FAM20A: variants seen among roughly 807,000 people sequenced by gnomAD.
FAM20A encodes the protein FAM20A golgi associated secretory pathway pseudokinase.
Under a neutral mutation model 52.0 loss-of-function variants are expected in FAM20A, and 42 were observed. The ratio of observed to expected loss-of-function variants is 0.81; its 90% CI spans 0.63 to 1.04. The LOEUF is 1.04. Among genes scored for constraint, FAM20A ranks in the 50% least tolerant of loss-of-function variants. The pLI is 0.00. For synonymous variants in FAM20A, 304 were observed against 298.9 expected, an observed-to-expected ratio of 1.02 and a Z score of -0.18; for missense variants, 742 against 712.7, an observed-to-expected ratio of 1.04 and a Z score of -0.47.
At chr17:68,570,267 G>C (rs2087502621) in intron 1 of FAM20A, among the ~76,000 whole-genome samples, 1 of 152,076 alleles carries the variant, frequency 6.6e-6, no homozygotes, top group African/African-American at 2.4e-5. Flanking sequence ...GTAGAGACAG[G>C]GTTTCACCAT....
chr17:68,580,951 G>A (rs1232203113), intron 1 of FAM20A, among the ~76,000 whole-genome samples: 1 of 152,152 alleles, frequency 6.6e-6, no homozygotes, highest in Non-Finnish European at 1.5e-5. Context: ...GATGACACCC[G>A]AGTATGACAT....
chr17:68,596,650 G>C (rs2088461267), intron 1 of FAM20A, among the ~76,000 whole-genome samples: 1 of 152,178 alleles, frequency 6.6e-6, no homozygotes, highest in African/African-American at 2.4e-5. Flanking sequence ...GCACAATTCT[G>C]GCTTGTTAGT....
At chr17:68,560,341 C>A (rs2087175706) in intron 1 of FAM20A, among the ~76,000 whole-genome samples, 1 of 103,942 alleles carries the variant, frequency 9.6e-6, no homozygotes, top group Non-Finnish European at 1.8e-5. Context: ...GAAACTCCAT[C>A]TCAAAAAAAA....
intron 1 of FAM20A, among the ~76,000 whole-genome samples, chr17:68,561,756 A>T (rs566880564): frequency 6.6e-6 from 1 of 152,230 alleles, no homozygotes; most frequent in South Asian, 2.1e-4. Context: ...ATTATTGATG[A>T]GCGTGTAGTT....
chr17:68,565,107 A>G (rs538300511), intron 1 of FAM20A, among the ~76,000 whole-genome samples: 61 of 152,084 alleles, frequency 4.0e-4, no homozygotes, highest in African/African-American at 1.5e-3. Flanking sequence ...TGGCTGCTAT[A>G]TTCAACAGTT....
chr17:68,597,105 G>A (rs2088473676), intron 1 of FAM20A, among the ~76,000 whole-genome samples: 1 of 152,094 alleles, frequency 6.6e-6, no homozygotes, highest in Admixed American at 6.5e-5. Flanking sequence ...ACGTGTGGGT[G>A]AGTGGGGAGG....
Position 68,600,934 on chromosome 17 carries a change from G to A in FAM20A, c.-268C>T. On this transcript the variant is annotated 5_prime_UTR_variant, in exon 1 of 11. Coordinates refer to ENST00000592554, the MANE Select transcript of FAM20A (RefSeq NM_017565.4). This position sits in a 1 kb window ranked among gnomAD's most constrained non-coding sequence, Gnocchi z 6.2. ...GAGCCGAGGGAATGGGGTTCCCGGG[G>A]TGCCCGCTTCTTGCGCCTTTTCTCC... The A allele has an allele frequency of 2.4e-6, 1 of 412,386 alleles. No homozygotes were observed. Among genetic ancestry groups the A allele is most frequent in the South Asian group, 7.0e-5 (1 of 14,256 alleles). The allele number at this position is 412,386 out of a possible 1,614,324, so 25.5% of individuals were successfully genotyped here.
intron 2 of FAM20A, 84 bp from the exon 3 acceptor site, chr17:68,554,911 C>T (rs1409758282): frequency 7.3e-7 from 1 of 1,378,024 alleles, no homozygotes; most frequent in Non-Finnish European, 1.0e-6. Flanking sequence ...GACTCTGGTT[C>T]AGATCACCAG....
intron 1 of FAM20A, among the ~76,000 whole-genome samples, chr17:68,580,014 T>C (rs1417082272): frequency 7.0e-6 from 1 of 143,046 alleles, no homozygotes; most frequent in African/African-American, 2.5e-5. Context: ...TAGTTTGCAT[T>C]TGCATAAATC....
rs563163480 is a variant in FAM20A, at chr17:68,548,984, A to G, written c.719+2889T>C. 1.8e-4 allele frequency among the ~76,000 whole-genome samples: 27 copies of G among 152,046 alleles called. 1 individual carries two copies. In the South Asian group the frequency reaches 5.4e-3, roughly 30 times the overall value. ...CCTGACCTCGTGATCTGCCCGCCTC[A>G]GCCTCCCAAAGTGCTGGGATTACAG... On this transcript the variant is annotated intron_variant, in intron 4 of 10. Coordinates refer to ENST00000592554, the MANE Select transcript of FAM20A (RefSeq NM_017565.4).
rs536765541 is a variant in FAM20A at position 68,591,340 on chromosome 17, C to G, written c.404+8923G>C. Reference sequence around the variant, plus strand: ...GGTCTCAATCTCTTGACCTCGTGATCCGCCCGCCTCGGCCTCCCAAAGTGT... The same window carrying G: ...GGTCTCAATCTCTTGACCTCGTGATGCGCCCGCCTCGGCCTCCCAAAGTGT... On this transcript the variant is annotated intron_variant, in intron 1 of 10. Transcript: ENST00000592554. 2.6e-5 allele frequency among the ~76,000 whole-genome samples: 4 copies of G among 152,294 alleles called. No individual in the cohort carries two copies. The East Asian group carries it at 7.7e-4, about 29-fold the overall frequency.
intron 1 of FAM20A, among the ~76,000 whole-genome samples, chr17:68,565,182 C>G (rs1466912460): frequency 6.6e-6 from 1 of 152,096 alleles, no homozygotes; most frequent in Non-Finnish European, 1.5e-5. Flanking sequence ...AATATAGACA[C>G]AGCAATCCTC....
In FAM20A at chr17:68,543,705, C is replaced by T; in HGVS notation, c.736G>A (p.Glu246Lys). Reference protein sequence around the residue: ...FKPMRQQRDEETPVDFFYFID... With the variant: ...FKPMRQQRDEKTPVDFFYFID... ...AAGTAGAAGAAGTCCACTGGTGTCT[C>T]CTCATCTCGCTGCTGTCTGGAAGGA... Residue 246 changes from glutamate (E) to lysine (K), a missense_variant, in exon 5 of 11, where the codon GAG (glutamate) becomes AAG (lysine). Physicochemically the swap from Glu to Lys is moderately conservative, Grantham distance 56. Coordinates refer to ENST00000592554, the MANE Select transcript of FAM20A (RefSeq NM_017565.4). The T allele has an allele frequency of 6.2e-7, 1 of 1,614,104 alleles. No individual in the cohort carries two copies. The highest frequency in any genetic ancestry group is 8.5e-7 in the Non-Finnish European group (1 of 1,179,944).
Position 68,569,400 on chromosome 17 carries a change from A to G in FAM20A, c.405-13657T>C, listed in dbSNP as rs550791077. Among the ~76,000 whole-genome samples, 5 of 152,234 alleles carry G rather than the reference A, an allele frequency of 3.3e-5. No homozygotes were observed. In the South Asian group the frequency reaches 1.0e-3, roughly 32 times the overall value. On this transcript the variant is annotated intron_variant, in intron 1 of 10. Transcript: ENST00000592554. Reference sequence around the variant, plus strand: ...TCCACTGGGACTCTCTTTGATCAGCACTCCTAACTGTAACCAGAATGATTG... The same window carrying G: ...TCCACTGGGACTCTCTTTGATCAGCGCTCCTAACTGTAACCAGAATGATTG...
chr17:68,585,370 C>T (rs1175481879), intron 1 of FAM20A, among the ~76,000 whole-genome samples: 1 of 151,896 alleles, frequency 6.6e-6, no homozygotes, highest in African/African-American at 2.4e-5. Context: ...ACTTCCGAGT[C>T]TTCATTGTGT....
At chr17:68,539,507 A>G (rs1600516462) in intron 9 of FAM20A, 111 bp from the exon 10 acceptor site, 1 of 973,060 alleles carries the variant, frequency 1.0e-6, no homozygotes, top group Non-Finnish European at 1.6e-6. Context: ...GTAAAATGCC[A>G]GGGATCATGG....
Position 68,536,964 on chromosome 17 carries a change from A to G in FAM20A, c.*513T>C. On this transcript the variant is annotated 3_prime_UTR_variant, in exon 11 of 11. Transcript: ENST00000592554. ...TGGGTCCAGTGACTAGAATATGAGTAGAAAGTGTGAGGTCTAATTTGAACC... is the reference window on the plus strand; with the variant it reads ...TGGGTCCAGTGACTAGAATATGAGTGGAAAGTGTGAGGTCTAATTTGAACC... The G allele has an allele frequency of 2.2e-6, 1 of 454,352 alleles. No individual in the cohort carries two copies. Among genetic ancestry groups the G allele is most frequent in the South Asian group, 1.6e-5 (1 of 64,486 alleles). The allele number at this position is 454,352 out of a possible 1,614,324, so 28.1% of individuals were successfully genotyped here. A position where few individuals can be genotyped will look rare whatever the true frequency, so the allele number is the denominator to read the frequency against.
chr17:68,554,142 A>G (rs1436902912), intron 3 of FAM20A, among the ~76,000 whole-genome samples: 1 of 151,736 alleles, frequency 6.6e-6, no homozygotes, highest in Non-Finnish European at 1.5e-5. Flanking sequence ...ATATATATAT[A>G]TATTTTTAGC....
chr17:68,536,991 G>C lies in FAM20A; in HGVS notation c.*486C>G, dbSNP rs770924714. 4.4e-6 allele frequency: 2 copies of C among 454,732 alleles called. No homozygotes were observed. The highest frequency in any genetic ancestry group is 3.1e-5 in the South Asian group (2 of 64,496). 28.2% of individuals were successfully genotyped at this position (454,732 alleles called of 1,614,324 possible). ...AAAGTGTGAGGTCTAATTTGAACCT[G>C]TCAGAGTTACTGTTGCCTGCGCTGG... On this transcript the variant is annotated 3_prime_UTR_variant, in exon 11 of 11. Coordinates refer to ENST00000592554, the MANE Select transcript of FAM20A (RefSeq NM_017565.4).
Sources: gnomAD v4.1 joint callset for allele counts (sites outside exome capture counted in the v4.1 genomes callset) on GRCh38, gnomAD v4.1.1 for gene constraint, Gnocchi (gnomAD v3.1) non-coding constraint, MANE v1.5 for transcripts, NCBI Gene and HGNC (gene_info 2026-07-23, HGNC 2026-07-21) for gene names.